Variants in FAAH2 observed in about 807,000 individuals in gnomAD.
FAAH2 encodes the protein fatty acid amide hydrolase 2, also known as fatty-acid amide hydrolase 2.
In FAAH2, 60 loss-of-function variants were observed where a neutral mutation model predicts 36.9. The ratio of observed to expected loss-of-function variants is 1.63; its 90% CI spans 1.32 to 2.02. The LOEUF is 2.02. FAAH2 is among the 30% of genes most tolerant of loss of function. FAAH2 has a pLI of 0.00. For missense variants in FAAH2, 689 were observed against 397.5 expected (o/e 1.73, Z -6.23); for synonymous variants, 214 against 143.8 (o/e 1.49, Z -3.49).
At chrX:57,238,596 T>C in the FAAH2 span, among the ~76,000 whole-genome samples, 1 of 111,456 alleles carries the variant, frequency 9.0e-6, no homozygotes, top group Non-Finnish European at 1.9e-5. Flanking sequence ...ATTACCTGTA[T>C]AACAAACCTG....
At chrX:57,235,656 G>A in the FAAH2 span, among the ~76,000 whole-genome samples, 2 of 112,105 alleles carry the variant, frequency 1.8e-5, no homozygotes, top group African/African-American at 6.5e-5. Context: ...TTGGGTGGGA[G>A]TAAATATCTT....
intron 3 of FAAH2, among the ~76,000 whole-genome samples, chrX:57,322,618 T>C (rs2053064262): frequency 2.7e-5 from 3 of 111,434 alleles, no homozygotes; most frequent in Non-Finnish European, 5.6e-5. Flanking sequence ...CTTTCTCTTT[T>C]TCTTTTCTGG....
chrX:57,447,771 T>A (rs1342256005), intron 9 of FAAH2, among the ~76,000 whole-genome samples: 1 of 111,274 alleles, frequency 9.0e-6, no homozygotes, highest in Non-Finnish European at 1.9e-5. Flanking sequence ...CTGGGCCTGG[T>A]CCATGAAACC....
chrX:57,164,299 C>T, the FAAH2 span, among the ~76,000 whole-genome samples: 5 of 111,816 alleles, frequency 4.5e-5, no homozygotes, highest in Admixed American at 1.9e-4. Context: ...CCCAATGGGC[C>T]TATTATAAAA....
intron 5 of FAAH2, among the ~76,000 whole-genome samples, chrX:57,349,199 A>G (rs183021367): frequency 5.9e-4 from 54 of 91,304 alleles, no homozygotes; most frequent in Middle Eastern, 7.3e-3. Flanking sequence ...GTATATATAC[A>G]TATACATATA....
the FAAH2 span, among the ~76,000 whole-genome samples, chrX:57,124,418 A>G: frequency 8.9e-6 from 1 of 111,735 alleles, no homozygotes; most frequent in Non-Finnish European, 1.9e-5. Flanking sequence ...CTTGTAGTAT[A>G]GTTTGAAGTC....
the FAAH2 span, among the ~76,000 whole-genome samples, chrX:57,208,075 G>A: frequency 1.8e-5 from 2 of 112,793 alleles, no homozygotes; most frequent in African/African-American, 3.2e-5. Flanking sequence ...CTCTTGTCTA[G>A]CTTGCTGAAT....
chrX:57,318,232 G>T (rs1005062155), intron 3 of FAAH2, among the ~76,000 whole-genome samples: 2 of 111,245 alleles, frequency 1.8e-5, no homozygotes, highest in African/African-American at 3.3e-5. Context: ...CCAGGAGCTG[G>T]TTTTTTGAAA....
At chrX:57,438,043 A>C (rs2056452450) in intron 8 of FAAH2, among the ~76,000 whole-genome samples, 1 of 104,409 alleles carries the variant, frequency 9.6e-6, no homozygotes, top group South Asian at 3.9e-4. Context: ...ATGTATATAT[A>C]TACACATATA....
chrX:57,474,137 T>C (rs1043565811), intron 10 of FAAH2, among the ~76,000 whole-genome samples: 2 of 112,132 alleles, frequency 1.8e-5, no homozygotes, highest in African/African-American at 6.5e-5. Context: ...GTATCTTCCA[T>C]TTGTTTTCAT....
chrX:57,246,658 T>A, the FAAH2 span, among the ~76,000 whole-genome samples: 2 of 112,051 alleles, frequency 1.8e-5, no homozygotes, highest in African/African-American at 6.5e-5. Context: ...ATATACAGCA[T>A]TGCATAATAA....
At chrX:57,225,323 T>C in the FAAH2 span, among the ~76,000 whole-genome samples, 1 of 111,320 alleles carries the variant, frequency 9.0e-6, no homozygotes, top group Admixed American at 9.5e-5. Flanking sequence ...TATCCGAAAG[T>C]TTTTGATAGG....
intron 7 of FAAH2, among the ~76,000 whole-genome samples, chrX:57,409,258 A>G (rs1409142075): frequency 8.9e-6 from 1 of 111,785 alleles, no homozygotes; most frequent in Non-Finnish European, 1.9e-5. Context: ...ATGAATCTCA[A>G]TTAATTGTTT....
chrX:57,420,706 C>G (rs1289112682), intron 7 of FAAH2, among the ~76,000 whole-genome samples: 1 of 107,642 alleles, frequency 9.3e-6, no homozygotes, highest in Non-Finnish European at 1.9e-5. Flanking sequence ...ATTGAATACC[C>G]TTTATTTCCT....
At chrX:57,314,676 C>T (rs991360642) in intron 3 of FAAH2, among the ~76,000 whole-genome samples, 8 of 110,817 alleles carry the variant, frequency 7.2e-5, no homozygotes, top group Non-Finnish European at 1.5e-4. Context: ...ATTAATAACT[C>T]TTAGGTGAAC....
chrX:57,192,232 A>T, the FAAH2 span, among the ~76,000 whole-genome samples: 2 of 111,185 alleles, frequency 1.8e-5, no homozygotes, highest in East Asian at 5.6e-4. Context: ...TGTAAATGTG[A>T]TTGCTTTTAT....
At chrX:57,386,883 T>G (rs2055037802) in intron 7 of FAAH2, among the ~76,000 whole-genome samples, 1 of 112,008 alleles carries the variant, frequency 8.9e-6, no homozygotes, top group Non-Finnish European at 1.9e-5. Context: ...TATCACAGAA[T>G]AGTTTAGTTT....
At chrX:57,257,220 T>C in the FAAH2 span, among the ~76,000 whole-genome samples, 49,493 of 110,964 alleles carry the variant, frequency 0.45, 10,909 homozygotes, top group African/African-American at 0.86. Context: ...ATAAATCATT[T>C]TATGATAAAG....
chrX:57,302,947 C>T lies in FAAH2; in HGVS notation c.276-7646C>T, dbSNP rs148194804. ...TTGGTCTCAGGAGTCTAGTGCTGCC[C>T]TGTGCCACTGAGGCCACATGTAAGG... is the stretch of plus-strand genomic sequence containing the variant. On this transcript the variant is annotated intron_variant, in intron 2 of 10. Transcript: ENST00000374900. Among the ~76,000 whole-genome samples, 623 of 111,091 alleles carry T rather than the reference C, an allele frequency of 5.6e-3. 5 individuals are homozygous for T. The highest frequency in any genetic ancestry group is 0.02 in the African/African-American group (601 of 30,626).
Sources: allele counts gnomAD v4.1 joint callset (sites outside exome capture counted in the v4.1 genomes callset), GRCh38; gene constraint gnomAD v4.1.1; transcripts MANE v1.5; gene names NCBI Gene and HGNC (gene_info 2026-07-23, HGNC 2026-07-21).